WDFY2: variants seen among roughly 807,000 people sequenced by gnomAD.
WDFY2 encodes the protein WD repeat and FYVE domain-containing protein 2.
Under a neutral mutation model 56.4 loss-of-function variants are expected in WDFY2, and 36 were observed. The observed-to-expected ratio is 0.64, with a 90% CI of 0.49 to 0.84. The LOEUF (loss-of-function observed/expected upper bound fraction) is 0.84, where lower values mean the gene tolerates loss of function less well. Among genes scored for constraint, WDFY2 ranks in the 40% least tolerant of loss-of-function variants. The pLI, the probability that WDFY2 is intolerant of heterozygous loss-of-function variation, is 0.00. For synonymous variants in WDFY2, 176 were observed against 183.7 expected (o/e 0.96, Z 0.34); for missense variants, 444 against 512.2 (o/e 0.87, Z 1.29).
At chr13:51,621,056 A>C (rs1046360108) in intron 1 of WDFY2, among the ~76,000 whole-genome samples, 7 of 152,114 alleles carry the variant, frequency 4.6e-5, no homozygotes, top group African/African-American at 1.7e-4. Context: ...ATTTAGAATA[A>C]ATTTTCTCTG....
chr13:51,639,830 T>C (rs1425333704), intron 1 of WDFY2, among the ~76,000 whole-genome samples: 2 of 152,342 alleles, frequency 1.3e-5, no homozygotes, highest in African/African-American at 4.8e-5. Flanking sequence ...TCTACTCTGC[T>C]AACTTCAAAG....
In WDFY2 at chr13:51,760,580, CTT is replaced by C. The variant is rs1953550197; in HGVS notation, c.*812_*813del. 1 of 152,172 alleles carries C rather than the reference CTT, an allele frequency of 6.6e-6. No individual in the cohort carries two copies. The highest frequency in any genetic ancestry group is 2.4e-5 in the African/African-American group (1 of 41,432). 9.4% of individuals were successfully genotyped at this position (152,172 alleles called of 1,614,324 possible). On this transcript the variant is annotated 3_prime_UTR_variant, in exon 12 of 12. Coordinates refer to ENST00000298125, the MANE Select transcript of WDFY2 (RefSeq NM_052950.4). The stretch of plus-strand genomic sequence containing the variant: ...AATTCAGTTGGAGCCTCCTGAGCCT[CTT>C]GTTTTAGCTTTTTTGACGCAGCTCT...
At chr13:51,719,101 G>T in intron 4 of WDFY2, 97 bp from the exon 5 acceptor site, 1 of 1,531,042 alleles carries the variant, frequency 6.5e-7, no homozygotes, top group Non-Finnish European at 8.9e-7. Flanking sequence ...AGCTTATTCT[G>T]GGGTGGGGAG....
chr13:51,626,040 C>T (rs1954830433), intron 1 of WDFY2, among the ~76,000 whole-genome samples: 1 of 152,170 alleles, frequency 6.6e-6, no homozygotes, highest in South Asian at 2.1e-4. Context: ...GGCTGGTACA[C>T]CAGTGGCCTG....
At chr13:51,603,192 A>G (rs1954319626) in intron 1 of WDFY2, among the ~76,000 whole-genome samples, 1 of 152,236 alleles carries the variant, frequency 6.6e-6, no homozygotes, top group Admixed American at 6.5e-5. Flanking sequence ...ACCAGGAATC[A>G]TTCCTTTGCT....
chr13:51,600,970 G>A (rs1954266683), intron 1 of WDFY2, among the ~76,000 whole-genome samples: 1 of 152,240 alleles, frequency 6.6e-6, no homozygotes, highest in Non-Finnish European at 1.5e-5. Flanking sequence ...GATTTGACAT[G>A]TGGACTCTTT....
intron 1 of WDFY2, among the ~76,000 whole-genome samples, chr13:51,659,751 C>T (rs567517608): frequency 5.9e-5 from 9 of 152,274 alleles, no homozygotes; most frequent in East Asian, 1.9e-4. Context: ...GCCTCATGGA[C>T]GCCACTAGCT....
intron 1 of WDFY2, among the ~76,000 whole-genome samples, chr13:51,647,702 G>A (rs900415892): frequency 2.7e-5 from 4 of 150,130 alleles, no homozygotes; most frequent in Non-Finnish European, 5.9e-5. Flanking sequence ...CAAAGTGACA[G>A]TGAGCTATGA....
chr13:51,721,395 C>A (rs1431782760), intron 5 of WDFY2, among the ~76,000 whole-genome samples: 1 of 152,106 alleles, frequency 6.6e-6, no homozygotes, highest in East Asian at 1.9e-4. Context: ...AAATACAGAT[C>A]TTGCCTCAGG....
intron 1 of WDFY2, among the ~76,000 whole-genome samples, chr13:51,653,197 C>T (rs985188107): frequency 1.3e-5 from 2 of 152,168 alleles, no homozygotes; most frequent in Admixed American, 1.3e-4. Context: ...TTGATCGAAT[C>T]GGCTACTGAG....
intron 1 of WDFY2, among the ~76,000 whole-genome samples, chr13:51,641,732 A>C (rs906891865): frequency 5.5e-5 from 8 of 144,694 alleles, no homozygotes; most frequent in African/African-American, 2.0e-4. Context: ...AGGCTGAGGC[A>C]GGAGAATGAC....
intron 7 of WDFY2, among the ~76,000 whole-genome samples, chr13:51,739,381 G>C (rs1952914023): frequency 6.6e-6 from 1 of 151,900 alleles, no homozygotes; most frequent in African/African-American, 2.4e-5. Context: ...GCATTTGAGA[G>C]TGCTTACAAA....
chr13:51,745,738 TAAAAAAAAAAAAAA>T (rs34880965), intron 7 of WDFY2, among the ~76,000 whole-genome samples: 3 of 86,336 alleles, frequency 3.5e-5, no homozygotes, highest in South Asian at 1.0e-3. Flanking sequence ...ATCCTTCATT[TAAAAAAAAAAAAAA>T]AAAAAAAAAA....
chr13:51,654,632 T>C (rs1955473304), intron 1 of WDFY2, among the ~76,000 whole-genome samples: 1 of 152,204 alleles, frequency 6.6e-6, no homozygotes, highest in Non-Finnish European at 1.5e-5. Flanking sequence ...AAAATTTTCT[T>C]CAGGGAAAAA....
chr13:51,628,132 G>A (rs1954872632), intron 1 of WDFY2, among the ~76,000 whole-genome samples: 1 of 152,166 alleles, frequency 6.6e-6, no homozygotes. Flanking sequence ...TCTGCGTCCT[G>A]GCATCAACAT....
intron 1 of WDFY2, among the ~76,000 whole-genome samples, chr13:51,607,150 A>C (rs1341137956): frequency 1.3e-5 from 2 of 152,248 alleles, no homozygotes; most frequent in Non-Finnish European, 2.9e-5. Context: ...TCATTGATTC[A>C]AAAATCTACA....
chr13:51,759,829 A>T lies in WDFY2; in HGVS notation c.*60A>T. The T allele has an allele frequency of 2.8e-6, 3 of 1,088,092 alleles. No individual in the cohort carries two copies. The South Asian group carries it at 5.3e-5, about 19-fold the overall frequency. 67.4% of individuals were successfully genotyped at this position (1,088,092 alleles called of 1,614,324 possible). Reference sequence around the variant, plus strand: ...TAAAGAAACGGTTGTTTTAACCCAAATCATTACCAGAGTGGTAAAGCAGAC... The same window carrying T: ...TAAAGAAACGGTTGTTTTAACCCAATTCATTACCAGAGTGGTAAAGCAGAC... On this transcript the variant is annotated 3_prime_UTR_variant, in exon 12 of 12. Coordinates refer to ENST00000298125, the MANE Select transcript of WDFY2 (RefSeq NM_052950.4).
At chr13:51,750,877 G>A (rs1953217491) in intron 7 of WDFY2, among the ~76,000 whole-genome samples, 1 of 152,158 alleles carries the variant, frequency 6.6e-6, no homozygotes, top group South Asian at 2.1e-4. Flanking sequence ...GGCTGTGTCA[G>A]GTAAATCCAG....
chr13:51,649,102 G>A (rs966788402), intron 1 of WDFY2, among the ~76,000 whole-genome samples: 1 of 152,200 alleles, frequency 6.6e-6, no homozygotes, highest in Non-Finnish European at 1.5e-5. Flanking sequence ...AGCCAAGGTC[G>A]TGCCATTGCA....
Sources: gnomAD v4.1 joint callset for allele counts (sites outside exome capture counted in the v4.1 genomes callset) on GRCh38, gnomAD v4.1.1 for gene constraint, MANE v1.5 for transcripts, NCBI Gene and HGNC (gene_info 2026-07-23, HGNC 2026-07-21) for gene names.